Variants in ZNF385D observed in about 807,000 individuals in gnomAD.
The protein encoded by ZNF385D is zinc finger protein 385D.
In ZNF385D, 15 loss-of-function variants were observed where a neutral mutation model predicts 35.8. The ratio of observed to expected loss-of-function variants is 0.42; its 90% confidence interval spans 0.28 to 0.64. ZNF385D has a LOEUF of 0.64. ZNF385D is among the 30% of genes least tolerant of loss of function. ZNF385D has a pLI of 0.23. For synonymous variants in ZNF385D, 212 were observed against 186.8 expected, an observed-to-expected ratio of 1.13 and a Z score of -1.10; for missense variants, 474 against 494.6, an observed-to-expected ratio of 0.96 and a Z score of 0.39.
chr3:21,859,314 G>T (rs865872325), intron 3 of ZNF385D, among the ~76,000 whole-genome samples: 1 of 151,924 alleles, frequency 6.6e-6, no homozygotes, highest in African/African-American at 2.4e-5. Flanking sequence ...AACAAAAGGA[G>T]CCTGTGGCGG....
intron 3 of ZNF385D, among the ~76,000 whole-genome samples, chr3:22,094,777 T>G (rs1003470656): frequency 1.3e-5 from 2 of 152,086 alleles, no homozygotes; most frequent in East Asian, 3.9e-4. Flanking sequence ...CTGTCACAGA[T>G]CTTTAAAAGA....
chr3:21,532,354 T>C (rs1029109354), intron 3 of ZNF385D, among the ~76,000 whole-genome samples: 1 of 152,122 alleles, frequency 6.6e-6, no homozygotes, highest in Non-Finnish European at 1.5e-5. Context: ...TTGTAATATA[T>C]CAGTGTGGGG....
chr3:21,843,640 T>G (rs1213135313), intron 3 of ZNF385D, among the ~76,000 whole-genome samples: 1 of 151,828 alleles, frequency 6.6e-6, no homozygotes, highest in South Asian at 2.1e-4. Flanking sequence ...CAAAAATGAA[T>G]AGAACCAAGC....
intron 2 of ZNF385D, among the ~76,000 whole-genome samples, chr3:22,354,165 T>G (rs907006577): frequency 6.6e-6 from 1 of 152,142 alleles, no homozygotes; most frequent in South Asian, 2.1e-4. Flanking sequence ...TATATCGCCT[T>G]GGTTTGAAAG....
chr3:21,693,488 G>A (rs767377551), intron 1 of ZNF385D, among the ~76,000 whole-genome samples: 19 of 152,100 alleles, frequency 1.2e-4, no homozygotes, highest in Non-Finnish European at 2.6e-4. Context: ...TCAAGCAAAG[G>A]AAACTTACAA....
intron 3 of ZNF385D, among the ~76,000 whole-genome samples, chr3:21,900,629 C>A (rs1699356825): frequency 6.6e-6 from 1 of 151,942 alleles, no homozygotes; most frequent in Admixed American, 6.6e-5. Flanking sequence ...TCAGAGAAGA[C>A]AGACTATAGT....
At chr3:22,357,374 G>T (rs905877262) in intron 2 of ZNF385D, among the ~76,000 whole-genome samples, 1 of 151,820 alleles carries the variant, frequency 6.6e-6, no homozygotes, top group East Asian at 1.9e-4. Context: ...ATAAATTAAT[G>T]TCACTTATAA....
chr3:21,715,023 T>G (rs956761791), intron 1 of ZNF385D, among the ~76,000 whole-genome samples: 1 of 152,198 alleles, frequency 6.6e-6, no homozygotes, highest in Non-Finnish European at 1.5e-5. Context: ...TTATTAATTA[T>G]AGTTTTCAGG....
chr3:21,597,675 G>C (rs1575283616), intron 2 of ZNF385D, among the ~76,000 whole-genome samples: 1 of 152,234 alleles, frequency 6.6e-6, no homozygotes, highest in East Asian at 1.9e-4. Context: ...AAGATATAGA[G>C]GCAAGAAAGC....
intron 3 of ZNF385D, among the ~76,000 whole-genome samples, chr3:21,964,608 G>A (rs1177690800): frequency 4.7e-5 from 7 of 148,834 alleles, no homozygotes; most frequent in East Asian, 4.1e-4. Flanking sequence ...TCCTGCCTCC[G>A]CCTCCTGAGT....
Position 21,973,865 on chromosome 3 carries a change from A to C in ZNF385D, c.325+194952T>G, listed in dbSNP as rs563867567. On this transcript the variant is annotated intron_variant, in intron 3 of 5. Coordinates refer to the ZNF385D transcript ENST00000494108. ...AATTAAATATCTGGGAATAAAACAA[A>C]AAAGGTGAAAGATCTCTACAATGAA... Among the ~76,000 whole-genome samples the C allele has an allele frequency of 5.9e-5, 9 of 152,134 alleles. No individual in the cohort carries two copies. The South Asian group carries it at 1.9e-3, about 31-fold the overall frequency.
chr3:21,577,100 T>G (rs1575230129), intron 2 of ZNF385D, among the ~76,000 whole-genome samples: 1 of 152,200 alleles, frequency 6.6e-6, no homozygotes, highest in South Asian at 2.1e-4. Flanking sequence ...ACAATAGAAC[T>G]TATTCTTCCT....
chr3:22,347,800 G>T (rs2125490921), intron 2 of ZNF385D, among the ~76,000 whole-genome samples: 1 of 152,126 alleles, frequency 6.6e-6, no homozygotes, highest in Admixed American at 6.6e-5. Context: ...GAACTATATA[G>T]TCTCTCCAAA....
At chr3:22,197,578 T>A (rs935993907) in intron 2 of ZNF385D, among the ~76,000 whole-genome samples, 3 of 152,128 alleles carry the variant, frequency 2.0e-5, no homozygotes, top group Non-Finnish European at 4.4e-5. Context: ...TTTGGGCCCT[T>A]ACTCCTAGAG....
At chr3:21,572,023 C>A (rs1435100146) in intron 2 of ZNF385D, among the ~76,000 whole-genome samples, 1 of 152,184 alleles carries the variant, frequency 6.6e-6, no homozygotes, top group East Asian at 1.9e-4. Context: ...TGAACTCAAT[C>A]TCCAGCATCC....
chr3:21,422,824 G>T (rs1312057175), intron 7 of ZNF385D, among the ~76,000 whole-genome samples: 1 of 152,130 alleles, frequency 6.6e-6, no homozygotes, highest in Non-Finnish European at 1.5e-5. Flanking sequence ...ACCATGTAAT[G>T]AGGGAACACA....
At chr3:22,195,369 C>T (rs1460031060) in intron 2 of ZNF385D, among the ~76,000 whole-genome samples, 1 of 151,918 alleles carries the variant, frequency 6.6e-6, no homozygotes, top group Non-Finnish European at 1.5e-5. Flanking sequence ...CCCACACATA[C>T]ACACAAACAT....
chr3:22,342,896 T>A (rs1695488508), intron 2 of ZNF385D, among the ~76,000 whole-genome samples: 2 of 152,182 alleles, frequency 1.3e-5, no homozygotes, highest in South Asian at 4.1e-4. Context: ...TACCTAATAA[T>A]CTAAAGCTTC....
intron 3 of ZNF385D, among the ~76,000 whole-genome samples, chr3:22,092,313 G>A (rs1701374600): frequency 2.6e-5 from 4 of 152,152 alleles, no homozygotes; most frequent in Admixed American, 6.6e-5. Context: ...GTTCTTTTAT[G>A]CTTCTTGACG....
Sources: allele counts gnomAD v4.1 joint callset (sites outside exome capture counted in the v4.1 genomes callset), GRCh38; gene constraint gnomAD v4.1.1; transcripts MANE v1.5; gene names NCBI Gene and HGNC (gene_info 2026-07-23, HGNC 2026-07-21).